RIMS2: variants seen among roughly 807,000 people sequenced by gnomAD.
RIMS2 encodes regulating synaptic membrane exocytosis 2.
RIMS2 carries 59 observed loss-of-function variants against 174.4 expected under a neutral mutation model. The ratio of observed to expected loss-of-function variants is 0.34; its 90% CI spans 0.27 to 0.42. The LOEUF (loss-of-function observed/expected upper bound fraction) is 0.42, where lower values mean the gene tolerates loss of function less well. RIMS2 is among the 10% of genes least tolerant of loss of function. The pLI, the probability that RIMS2 is intolerant of heterozygous loss-of-function variation, is 1.00. For missense variants in RIMS2, 1,620 were observed against 1,666.3 expected (o/e 0.97, Z 0.48); for synonymous variants, 606 against 572.5 (o/e 1.06, Z -0.84).
chr8:103,715,439 G>A (rs967221514), intron 2 of RIMS2, among the ~76,000 whole-genome samples: 6 of 151,978 alleles, frequency 3.9e-5, no homozygotes, highest in Non-Finnish European at 8.8e-5. Context: ...ATAGGACTTT[G>A]CGATTGTCTT....
chr8:103,716,072 T>C (rs558040555), intron 2 of RIMS2, among the ~76,000 whole-genome samples: 1 of 151,984 alleles, frequency 6.6e-6, no homozygotes, highest in Non-Finnish European at 1.5e-5. Context: ...TATTCTCTTA[T>C]GTAGCATGCT....
chr8:103,788,176 AT>A (rs1197357424), intron 3 of RIMS2, among the ~76,000 whole-genome samples: 1 of 147,242 alleles, frequency 6.8e-6, no homozygotes, highest in African/African-American at 2.5e-5. Flanking sequence ...ATTCTTCTAA[AT>A]TTTTTTCAAA....
At chr8:104,199,256 G>T (rs1284785611) in intron 19 of RIMS2, among the ~76,000 whole-genome samples, 12 of 151,832 alleles carry the variant, frequency 7.9e-5, no homozygotes, top group Non-Finnish European at 1.5e-5. Flanking sequence ...TAGAGACGGG[G>T]TTTCACAGTG....
chr8:104,078,230 T>C (rs1459810485), intron 19 of RIMS2, among the ~76,000 whole-genome samples: 1 of 152,140 alleles, frequency 6.6e-6, no homozygotes, highest in Non-Finnish European at 1.5e-5. Context: ...TTTTTATTTG[T>C]GATTAATCTT....
chr8:103,675,772 C>T (rs1167485549), intron 1 of RIMS2, among the ~76,000 whole-genome samples: 1 of 151,866 alleles, frequency 6.6e-6, no homozygotes, highest in African/African-American at 2.4e-5. Context: ...ATGCACATAA[C>T]ACATACAGAC....
intron 16 of RIMS2, among the ~76,000 whole-genome samples, chr8:103,978,183 A>G (rs1201599770): frequency 6.6e-6 from 1 of 152,234 alleles, no homozygotes; most frequent in African/African-American, 2.4e-5. Context: ...TTCATATTAT[A>G]CCACACTTTA....
chr8:104,052,498 A>G (rs1243589658), intron 19 of RIMS2, among the ~76,000 whole-genome samples: 1 of 152,154 alleles, frequency 6.6e-6, no homozygotes, highest in African/African-American at 2.4e-5. Context: ...GAAATCAAAG[A>G]AGGGACTAAA....
At chr8:103,500,682 C>T (rs2130681682), upstream of RIMS2, 1 of 493,496 alleles carries the variant, frequency 2.0e-6, no homozygotes, top group South Asian at 3.4e-5. Context: ...TCCCGAAGCG[C>T]ACTCCTCAGC....
exon 14 of RIMS2, chr8:103,942,867 C>G (rs764351498): frequency 6.2e-7 from 1 of 1,613,628 alleles, no homozygotes; most frequent in Non-Finnish European, 8.5e-7. Context: ...CTTCCCCACC[C>G]TTCTCCATAT....
intron 9 of RIMS2, chr8:103,921,038 A>ACAG (rs928280820): frequency 4.4e-5 from 10 of 228,178 alleles, no homozygotes; most frequent in African/African-American, 2.4e-4. Flanking sequence ...AACAACAACA[A>ACAG]CAACAACAAA....
intron 3 of RIMS2, among the ~76,000 whole-genome samples, chr8:103,848,003 A>G (rs2154491546): frequency 6.6e-6 from 1 of 151,886 alleles, no homozygotes; most frequent in East Asian, 1.9e-4. Flanking sequence ...ATGTAATGCA[A>G]GGATCCACAT....
At chr8:103,870,857 A>G (rs184882602) in intron 3 of RIMS2, among the ~76,000 whole-genome samples, 67 of 152,312 alleles carry the variant, frequency 4.4e-4, no homozygotes, top group Non-Finnish European at 7.8e-4. Flanking sequence ...AGGTTTAACC[A>G]TAGGATTACA....
chr8:103,749,531 G>A (rs1436083437), intron 2 of RIMS2, among the ~76,000 whole-genome samples: 1 of 152,054 alleles, frequency 6.6e-6, no homozygotes, highest in Non-Finnish European at 1.5e-5. Flanking sequence ...GGGAGCATGA[G>A]GTGTTTTGAT....
chr8:104,144,843 C>T (rs1011171677), intron 19 of RIMS2, among the ~76,000 whole-genome samples: 1 of 151,820 alleles, frequency 6.6e-6, no homozygotes, highest in Non-Finnish European at 1.5e-5. Context: ...TTTTATAAAA[C>T]TATTTTTGGA....
chr8:104,148,681 G>A (rs955469970), intron 19 of RIMS2: 1 of 1,598,192 alleles, frequency 6.3e-7, no homozygotes. Context: ...ACCAGCATCA[G>A]TGGAGACATG....
intron 1 of RIMS2, among the ~76,000 whole-genome samples, chr8:103,548,572 G>A (rs1319991189): frequency 6.6e-6 from 1 of 151,198 alleles, no homozygotes; most frequent in African/African-American, 2.4e-5. Context: ...ATATTGAATG[G>A]GCAAAAGCTG....
At chr8:103,504,411 GA>G (rs1822252795) in intron 1 of RIMS2, among the ~76,000 whole-genome samples, 1 of 152,010 alleles carries the variant, frequency 6.6e-6, no homozygotes, top group Non-Finnish European at 1.5e-5. Flanking sequence ...TTGTTTGAAA[GA>G]AAAACATAAT....
intron 6 of RIMS2, among the ~76,000 whole-genome samples, chr8:103,913,138 A>AT (rs535649216): frequency 0.033 from 4,288 of 131,316 alleles, 159 homozygotes; most frequent in African/African-American, 0.11. Flanking sequence ...ATACCCAGCT[A>AT]TTTTTTTTTT....
At position 104,027,069 on chromosome 8, in the gene RIMS2, C is replaced by T. The variant is rs72683157; in HGVS notation, c.3334+12454C>T. 3.2e-3 allele frequency among the ~76,000 whole-genome samples: 488 copies of T among 152,222 alleles called. 2 individuals carry two copies. Among genetic ancestry groups the T allele is most frequent in the Middle Eastern group, 6.8e-3 (2 of 294 alleles). On this transcript the variant is annotated intron_variant, in intron 19 of 23. Transcript: ENST00000504942. The stretch of plus-strand genomic sequence containing the variant: ...TATGTTTTTGAGCAGGATGGACATT[C>T]AGTCACATCTGTATTAAGAAAAGTA...
Sources: gnomAD v4.1 joint callset for allele counts (sites outside exome capture counted in the v4.1 genomes callset) on GRCh38, gnomAD v4.1.1 for gene constraint, MANE v1.5 for transcripts, NCBI Gene and HGNC (gene_info 2026-07-23, HGNC 2026-07-21) for gene names.